The following SCFD2 variants were observed in gnomAD, a reference collection of about 807,000 sequenced individuals.
SCFD2 encodes sec1 family domain containing 2.
SCFD2 carries 54 observed loss-of-function variants against 58.9 expected under a neutral mutation model. The ratio of observed to expected loss-of-function variants is 0.92; its 90% CI spans 0.74 to 1.15. The LOEUF (loss-of-function observed/expected upper bound fraction) is 1.15, where lower values mean the gene tolerates loss of function less well. Ranked by LOEUF, SCFD2 falls within the 50% of genes most tolerant of loss-of-function variation. SCFD2 has a pLI of 0.00. For synonymous variants in SCFD2, 321 were observed against 335.9 expected, an observed-to-expected ratio of 0.96 and a Z score of 0.49; for missense variants, 805 against 836.6, an observed-to-expected ratio of 0.96 and a Z score of 0.47.
intron 4 of SCFD2, among the ~76,000 whole-genome samples, chr4:53,207,547 A>ATAT (rs1260081001): frequency 3.5e-5 from 1 of 28,776 alleles, no homozygotes; most frequent in Non-Finnish European, 6.1e-5. Flanking sequence ...TTATATATAT[A>ATAT]ATATTTATAT....
At chr4:53,350,686 G>A (rs1485195067) in intron 2 of SCFD2, among the ~76,000 whole-genome samples, 2 of 152,166 alleles carry the variant, frequency 1.3e-5, no homozygotes, top group East Asian at 3.8e-4. Context: ...TAGCATAGAA[G>A]TTAAGACAGT....
At chr4:53,283,962 C>CA (rs1352134323) in intron 3 of SCFD2, among the ~76,000 whole-genome samples, 1 of 150,934 alleles carries the variant, frequency 6.6e-6, no homozygotes, top group South Asian at 2.1e-4. Context: ...ACTAAAAATA[C>CA]AAAAAAATTA....
chr4:52,948,161 A>AAATAAAAT (rs1375475165), intron 5 of SCFD2: 1 of 189,374 alleles, frequency 5.3e-6, no homozygotes, highest in African/African-American at 2.4e-5. Context: ...GTAGTGTTGT[A>AAATAAAAT]AATAAAATAG....
At chr4:52,941,074 G>A (rs1720280634) in intron 5 of SCFD2, among the ~76,000 whole-genome samples, 1 of 145,584 alleles carries the variant, frequency 6.9e-6, no homozygotes, top group Admixed American at 6.6e-5. Context: ...AAAAAACCAT[G>A]CTAAATCCTG....
chr4:53,278,093 G>A (rs762555090), intron 3 of SCFD2, among the ~76,000 whole-genome samples: 7 of 151,898 alleles, frequency 4.6e-5, no homozygotes, highest in African/African-American at 1.2e-4. Flanking sequence ...CTCGCCAGGC[G>A]CAGTGGCTCA....
intron 1 of SCFD2, among the ~76,000 whole-genome samples, chr4:53,364,452 C>T (rs889336627): frequency 1.3e-5 from 2 of 152,110 alleles, no homozygotes; most frequent in Non-Finnish European, 2.9e-5. Flanking sequence ...TCTTCATCTG[C>T]TTTAAGGATT....
intron 5 of SCFD2, among the ~76,000 whole-genome samples, chr4:52,964,181 G>T (rs1034270665): frequency 6.6e-6 from 1 of 152,186 alleles, no homozygotes; most frequent in Non-Finnish European, 1.5e-5. Flanking sequence ...TGTGTTCCAA[G>T]ATTTTAAAGC....
intron 4 of SCFD2, among the ~76,000 whole-genome samples, chr4:53,167,772 T>C (rs1299147311): frequency 1.3e-5 from 2 of 152,188 alleles, no homozygotes; most frequent in Non-Finnish European, 2.9e-5. Flanking sequence ...GAGTTCTTTC[T>C]TCATATAAGA....
At chr4:53,107,899 C>G (rs1372889723) in intron 5 of SCFD2, among the ~76,000 whole-genome samples, 1 of 152,178 alleles carries the variant, frequency 6.6e-6, no homozygotes, top group Non-Finnish European at 1.5e-5. Flanking sequence ...ACAGAATTCT[C>G]CACCCCAAAT....
intron 4 of SCFD2, among the ~76,000 whole-genome samples, chr4:53,242,984 G>A (rs1267919789): frequency 5.9e-5 from 9 of 152,186 alleles, no homozygotes; most frequent in Non-Finnish European, 1.0e-4. Context: ...ATGGAACTAT[G>A]TAAAGAGACT....
At chr4:53,272,396 G>A (rs1731198912) in intron 4 of SCFD2, among the ~76,000 whole-genome samples, 1 of 152,156 alleles carries the variant, frequency 6.6e-6, no homozygotes, top group Non-Finnish European at 1.5e-5. Context: ...AAAGACACAT[G>A]CACACGTATG....
intron 5 of SCFD2, among the ~76,000 whole-genome samples, chr4:53,076,581 T>C (rs754893099): frequency 2.6e-5 from 4 of 152,046 alleles, no homozygotes; most frequent in African/African-American, 4.8e-5. Context: ...AGCAGAGGTG[T>C]TGGTGAAATA....
intron 4 of SCFD2, among the ~76,000 whole-genome samples, chr4:53,248,052 G>A (rs961869827): frequency 1.3e-5 from 2 of 152,166 alleles, no homozygotes; most frequent in African/African-American, 2.4e-5. Flanking sequence ...GTGGGCGCAG[G>A]TCAGTGGGTG....
intron 6 of SCFD2, among the ~76,000 whole-genome samples, chr4:52,918,644 T>C (rs958615925): frequency 2.6e-5 from 4 of 152,192 alleles, no homozygotes; most frequent in African/African-American, 7.2e-5. Context: ...TTATAAATTT[T>C]TCCTAAATTT....
intron 8 of SCFD2, among the ~76,000 whole-genome samples, chr4:52,880,176 T>C (rs1164619209): frequency 6.6e-6 from 1 of 152,194 alleles, no homozygotes; most frequent in African/African-American, 2.4e-5. Flanking sequence ...GTGATTCAGA[T>C]CTTTTCGCTG....
intron 4 of SCFD2, among the ~76,000 whole-genome samples, chr4:53,237,760 C>A (rs1414350356): frequency 8.5e-5 from 8 of 93,826 alleles, no homozygotes; most frequent in Non-Finnish European, 8.9e-5. Context: ...GGCGGCTGGC[C>A]GGGCGGGGGG....
chr4:53,336,549 G>C (rs1733690292), intron 2 of SCFD2, among the ~76,000 whole-genome samples: 1 of 150,936 alleles, frequency 6.6e-6, no homozygotes, highest in Admixed American at 6.6e-5. Flanking sequence ...ATTTGAGTTG[G>C]AGTTTTGCTC....
chr4:53,201,134 A>G (rs1728220746), intron 4 of SCFD2, among the ~76,000 whole-genome samples: 1 of 151,916 alleles, frequency 6.6e-6, no homozygotes, highest in Non-Finnish European at 1.5e-5. Context: ...TTAATTCGTC[A>G]TTTAGCATTA....
intron 5 of SCFD2, among the ~76,000 whole-genome samples, chr4:53,026,130 T>C: frequency 6.6e-6 from 1 of 152,178 alleles, no homozygotes; most frequent in Non-Finnish European, 1.5e-5. Context: ...ATTCTTTTTG[T>C]TAAACTGTGA....
Sources: gnomAD v4.1 joint callset for allele counts (sites outside exome capture counted in the v4.1 genomes callset) on GRCh38, gnomAD v4.1.1 for gene constraint, MANE v1.5 for transcripts, NCBI Gene and HGNC (gene_info 2026-07-23, HGNC 2026-07-21) for gene names.